The following SORD variants were observed in gnomAD, a reference collection of about 807,000 sequenced individuals.
SORD encodes (R,R)-butanediol dehydrogenase.
Under a neutral mutation model 35.6 loss-of-function variants are expected in SORD, and 18 were observed. That is an observed-to-expected ratio of 0.51 (90% CI 0.35 to 0.75). The LOEUF (loss-of-function observed/expected upper bound fraction) is 0.75. SORD is among the 30% of genes least tolerant of loss of function. SORD has a pLI of 0.01. For synonymous variants in SORD, 106 were observed against 152.9 expected (o/e 0.69, Z 2.26); for missense variants, 250 against 390.2 (o/e 0.64, Z 3.03).
intron 4 of SORD, among the ~76,000 whole-genome samples, chr15:45,062,522 A>G (rs1425911852): frequency 6.6e-6 from 1 of 151,868 alleles, no homozygotes; most frequent in Non-Finnish European, 1.5e-5. Flanking sequence ...GCCAGGTGCC[A>G]GTCACAGGAG....
rs1055967798 is a variant in SORD, at chr15:45,076,886, C to T, written c.*3356C>T. Reference sequence around the variant, plus strand: ...CCTGTTTTATTTTTTATTTTTTCTTCTTTCTTAAGCCTCTTTATTATAGTT... The same window carrying T: ...CCTGTTTTATTTTTTATTTTTTCTTTTTTCTTAAGCCTCTTTATTATAGTT... On this transcript the variant is annotated 3_prime_UTR_variant, in exon 9 of 9. Transcript: ENST00000267814. 3 of 142,320 alleles carry T rather than the reference C, an allele frequency of 2.1e-5. No homozygotes were observed. The highest frequency in any genetic ancestry group is 4.5e-5 in the Non-Finnish European group (3 of 66,684). The allele number at this position is 142,320 out of a possible 1,614,324, so 8.8% of individuals were successfully genotyped here.
At chr15:45,036,552 C>A (rs557338160) in intron 1 of SORD, among the ~76,000 whole-genome samples, 1 of 151,942 alleles carries the variant, frequency 6.6e-6, no homozygotes, top group Non-Finnish European at 1.5e-5. Context: ...AAATTAGCCA[C>A]GCAGCGTGGC....
chr15:45,055,546 A>T (rs1042707484), intron 3 of SORD, among the ~76,000 whole-genome samples: 2 of 152,224 alleles, frequency 1.3e-5, no homozygotes, highest in Non-Finnish European at 2.9e-5. Context: ...TTCAGAGCTG[A>T]ATTCTACCAG....
chr15:45,045,661 G>C (rs1410395736), intron 3 of SORD, among the ~76,000 whole-genome samples: 2 of 151,952 alleles, frequency 1.3e-5, no homozygotes, highest in Admixed American at 1.3e-4. Context: ...TTGTGTTGGG[G>C]AGTTATTGGA....
rs114915198 is a variant in SORD at position 45,072,743 on chromosome 15, G to A, written c.908+305G>A. Among the ~76,000 whole-genome samples, 1,265 of 140,286 alleles carry A rather than the reference G, an allele frequency of 9.0e-3. 177 individuals carry two copies. Among genetic ancestry groups the A allele is most frequent in the African/African-American group, 0.038 (1,170 of 30,786 alleles). 92.0% of individuals were successfully genotyped at this position (140,286 alleles called of 152,430 possible). A position where few individuals can be genotyped will look rare whatever the true frequency, so the allele number is the denominator to read the frequency against. ...TCCCCCTATTTTCTTAAGTTGCCAG[G>A]TCTCCATTTTCTCCCTTTAAAGGGA... On this transcript the variant is annotated intron_variant, in intron 8 of 8. Coordinates refer to ENST00000267814, the MANE Select transcript of SORD (RefSeq NM_003104.6).
chr15:45,039,590 C>T (rs1892932699), intron 1 of SORD, among the ~76,000 whole-genome samples: 1 of 152,226 alleles, frequency 6.6e-6, no homozygotes, highest in African/African-American at 2.4e-5. Context: ...GCTACTACTA[C>T]TAGCTGTGAA....
chr15:45,030,362 G>A (rs1204026683), intron 1 of SORD, among the ~76,000 whole-genome samples: 8 of 152,246 alleles, frequency 5.3e-5, no homozygotes, highest in Non-Finnish European at 8.8e-5. Flanking sequence ...TTAAGAAGGA[G>A]GAGAAATATG....
chr15:45,045,526 CAG>C (rs1478094812), intron 3 of SORD, among the ~76,000 whole-genome samples: 2 of 103,010 alleles, frequency 1.9e-5, no homozygotes, highest in East Asian at 6.0e-4. Flanking sequence ...TGGTGAGAGA[CAG>C]AGCAAGACTC....
chr15:45,057,032 G>A (rs1455485429), intron 3 of SORD, among the ~76,000 whole-genome samples: 7 of 152,302 alleles, frequency 4.6e-5, no homozygotes, highest in Admixed American at 6.5e-5. Flanking sequence ...TTAGACAGTC[G>A]TAACCCATTT....
intron 3 of SORD, among the ~76,000 whole-genome samples, chr15:45,052,770 ACATCCAG>A (rs1244054370): frequency 1.3e-5 from 2 of 152,136 alleles, no homozygotes; most frequent in Non-Finnish European, 2.9e-5. Context: ...CAGACACTGA[ACATCCAG>A]TCATGGATAA....
At chr15:45,027,560 C>T (rs1017812688) in intron 1 of SORD, among the ~76,000 whole-genome samples, 4 of 152,230 alleles carry the variant, frequency 2.6e-5, no homozygotes, top group Non-Finnish European at 5.9e-5. Context: ...ACCATATCAG[C>T]TTAAAAAGAG....
At chr15:45,044,019 C>T (rs1210731740) in intron 3 of SORD, among the ~76,000 whole-genome samples, 10 of 152,208 alleles carry the variant, frequency 6.6e-5, no homozygotes, top group Admixed American at 1.3e-4. Flanking sequence ...AATAAGGTCA[C>T]GTTATTTGGG....
chr15:45,025,767 G>A (rs1446210150), intron 1 of SORD, among the ~76,000 whole-genome samples: 1 of 152,144 alleles, frequency 6.6e-6, no homozygotes. Flanking sequence ...CCTCTACTGA[G>A]CAGTACTGCA....
Position 45,061,177 on chromosome 15 carries a change from G to C in SORD, c.376G>C (p.Asp126His), listed in dbSNP as rs1418859493. 2 of 1,614,134 alleles carry C rather than the reference G, an allele frequency of 1.2e-6. No homozygotes were observed. Among genetic ancestry groups the C allele is most frequent in the African/African-American group, 2.7e-5 (2 of 75,046 alleles). ...SIFFCATPPD[D>H]GNLCRFYKHN... ...CTTCTTCTGTGCCACGCCCCCCGAT[G>C]ACGGGAACCTCTGCCGGTTCTATAA... Residue 126 changes from aspartate to histidine, a missense_variant, in exon 4 of 9, where the codon GAC becomes CAC. Transcript: ENST00000267814.
chr15:45,045,189 G>T lies in SORD; in HGVS notation c.265+1768G>T, dbSNP rs1893027215. On this transcript the variant is annotated intron_variant, in intron 3 of 8. Coordinates refer to ENST00000267814, the MANE Select transcript of SORD (RefSeq NM_003104.6). ...TGGGCTACCCAGCATCTTCATACTT[G>T]AGAAAGGTTTTATATTTGAGTTATT... Among the ~76,000 whole-genome samples the T allele has an allele frequency of 2.6e-5, 4 of 152,278 alleles. No individual in the cohort carries two copies. The South Asian group carries it at 8.3e-4, about 32-fold the overall frequency.
intron 7 of SORD, among the ~76,000 whole-genome samples, chr15:45,069,625 G>T (rs1238267987): frequency 6.6e-6 from 1 of 152,100 alleles, no homozygotes; most frequent in Non-Finnish European, 1.5e-5. Context: ...CACACTTTGG[G>T]GATGGGGTTG....
intron 7 of SORD, 41 bp downstream of exon 7, chr15:45,069,093 G>GC: frequency 1.4e-6 from 2 of 1,453,526 alleles, no homozygotes. Flanking sequence ...CAGCATAGGG[G>GC]AGTGAAGGAG....
intron 1 of SORD, among the ~76,000 whole-genome samples, chr15:45,025,838 C>T (rs963059589): frequency 7.2e-5 from 11 of 152,296 alleles, no homozygotes; most frequent in Middle Eastern, 3.4e-3. Context: ...GTCACGATGA[C>T]TGAGGAGCAC....
intron 1 of SORD, among the ~76,000 whole-genome samples, chr15:45,023,903 C>CA (rs1433382283): frequency 6.6e-6 from 1 of 152,194 alleles, no homozygotes; most frequent in East Asian, 1.9e-4. Flanking sequence ...TCTAGGCCTC[C>CA]ATCTCCAGAA....
Sources: allele counts gnomAD v4.1 joint callset (sites outside exome capture counted in the v4.1 genomes callset), GRCh38; gene constraint gnomAD v4.1.1; transcripts MANE v1.5; gene names NCBI Gene and HGNC (gene_info 2026-07-23, HGNC 2026-07-21).